BLTP3A: variants seen among roughly 807,000 people sequenced by gnomAD.
BLTP3A encodes the protein bridge-like lipid transfer protein family member 3A, also known as ICBP90 binding protein 1.
the BLTP3A span, among the ~76,000 whole-genome samples, chr6:34,804,148 C>T: frequency 1.3e-5 from 2 of 152,028 alleles, no homozygotes; most frequent in African/African-American, 4.8e-5. Flanking sequence ...AGCTTCCTAG[C>T]GTCTTTAAGG....
the BLTP3A span, among the ~76,000 whole-genome samples, chr6:34,839,078 C>A: frequency 2.6e-5 from 4 of 152,116 alleles, no homozygotes; most frequent in Non-Finnish European, 5.9e-5. Flanking sequence ...TGGAGAAACC[C>A]CGTCTCTACT....
the BLTP3A span, chr6:34,858,090 C>G: frequency 6.3e-7 from 1 of 1,596,432 alleles, no homozygotes. Flanking sequence ...ACTCAGATGA[C>G]CATTCTGAAT....
the BLTP3A span, among the ~76,000 whole-genome samples, chr6:34,854,358 A>T: frequency 6.6e-6 from 1 of 152,168 alleles, no homozygotes; most frequent in Non-Finnish European, 1.5e-5. Context: ...GAGACATTAT[A>T]ATATATACAT....
chr6:34,792,187 C>T, the BLTP3A span: 1 of 1,473,918 alleles, frequency 6.8e-7, no homozygotes, highest in Non-Finnish European at 9.0e-7. Flanking sequence ...ACCGCCTCTT[C>T]TCCACAACTG....
At chr6:34,851,829 C>T in the BLTP3A span, among the ~76,000 whole-genome samples, 1 of 151,508 alleles carries the variant, frequency 6.6e-6, no homozygotes, top group African/African-American at 2.4e-5. Context: ...GGCACCCAAG[C>T]CACAAGACAA....
At chr6:34,829,230 A>G in the BLTP3A span, among the ~76,000 whole-genome samples, 1 of 152,072 alleles carries the variant, frequency 6.6e-6, no homozygotes, top group African/African-American at 2.4e-5. Flanking sequence ...ACCCAAGAGA[A>G]ACTCCATACA....
At chr6:34,849,209 G>A in the BLTP3A span, among the ~76,000 whole-genome samples, 1 of 152,046 alleles carries the variant, frequency 6.6e-6, no homozygotes, top group South Asian at 2.1e-4. Flanking sequence ...ATGTTGGCCA[G>A]GCTGGTCTCA....
the BLTP3A span, among the ~76,000 whole-genome samples, chr6:34,804,389 G>A: frequency 1.3e-5 from 2 of 152,116 alleles, no homozygotes; most frequent in Non-Finnish European, 2.9e-5. Flanking sequence ...AGACAAATGA[G>A]ACAAGGTTTC....
chr6:34,863,433 C>T, the BLTP3A span, among the ~76,000 whole-genome samples: 6 of 152,104 alleles, frequency 3.9e-5, no homozygotes, highest in South Asian at 4.1e-4. Context: ...TTGTTTATGC[C>T]ATTGCCTATA....
chr6:34,870,730 C>T, the BLTP3A span: 262 of 1,294,410 alleles, frequency 2.0e-4, 2 homozygotes, highest in South Asian at 3.6e-3. Flanking sequence ...TCTGTGACTT[C>T]GTTCAGTCAG....
chr6:34,808,787 C>G, the BLTP3A span, among the ~76,000 whole-genome samples: 1 of 151,946 alleles, frequency 6.6e-6, no homozygotes, highest in African/African-American at 2.4e-5. Flanking sequence ...ATCATGTTGC[C>G]CAGACTGGTC....
the BLTP3A span, chr6:34,858,500 C>G: frequency 6.2e-7 from 1 of 1,614,160 alleles, no homozygotes; most frequent in Non-Finnish European, 8.5e-7. Flanking sequence ...AAAGGCCATA[C>G]CTTGAATTTT....
At chr6:34,863,067 G>A in the BLTP3A span, among the ~76,000 whole-genome samples, 1 of 151,936 alleles carries the variant, frequency 6.6e-6, no homozygotes, top group Non-Finnish European at 1.5e-5. Flanking sequence ...CATCATGCCT[G>A]GCTAATCTTT....
chr6:34,856,642 C>A, the BLTP3A span: 1 of 1,151,372 alleles, frequency 8.7e-7, no homozygotes, highest in Non-Finnish European at 1.2e-6. Context: ...AGAATAATAT[C>A]ATTTTTGAGT....
At chr6:34,857,651 A>C in the BLTP3A span, 1 of 1,476,936 alleles carries the variant, frequency 6.8e-7, no homozygotes, top group Non-Finnish European at 9.3e-7. Context: ...TTCGTAATAT[A>C]GTTAATATTA....
At chr6:34,806,853 T>G in the BLTP3A span, among the ~76,000 whole-genome samples, 33 of 152,166 alleles carry the variant, frequency 2.2e-4, no homozygotes, top group African/African-American at 7.7e-4. Flanking sequence ...AGAGACAGGG[T>G]TTCACCTTGT....
the BLTP3A span, among the ~76,000 whole-genome samples, chr6:34,841,786 C>G: frequency 6.6e-6 from 1 of 152,122 alleles, no homozygotes; most frequent in Non-Finnish European, 1.5e-5. Context: ...AGAAATAAGG[C>G]TTTCCCCAGA....
At chr6:34,842,642 AT>A in the BLTP3A span, among the ~76,000 whole-genome samples, 27 of 149,674 alleles carry the variant, frequency 1.8e-4, no homozygotes, top group Admixed American at 1.4e-3. Flanking sequence ...CAGGAGTTCT[AT>A]TTTTTTTTTA....
the BLTP3A span, chr6:34,836,217 G>A: frequency 1.2e-6 from 2 of 1,614,152 alleles, no homozygotes; most frequent in Non-Finnish European, 8.5e-7. Flanking sequence ...GGCAGCCAGG[G>A]CAACAGCAAC....
Sources: gnomAD v4.1 joint callset for allele counts (sites outside exome capture counted in the v4.1 genomes callset) on GRCh38, gnomAD v4.1.1 for gene constraint, MANE v1.5 for transcripts, NCBI Gene and HGNC (gene_info 2026-07-23, HGNC 2026-07-21) for gene names.